PACRG: variants seen among roughly 807,000 people sequenced by gnomAD.
PACRG encodes the protein parkin coregulated.
Under a neutral mutation model 29.7 loss-of-function variants are expected in PACRG, and 29 were observed. That is an observed-to-expected ratio of 0.98 (90% CI 0.73 to 1.33). The LOEUF is 1.33. PACRG is among the 40% of genes most tolerant of loss of function. The probability of loss-of-function intolerance (pLI) is 0.00; values close to 1 mark genes in which losing one functional copy is unlikely to be tolerated. For missense variants in PACRG, 279 were observed against 316.2 expected, an observed-to-expected ratio of 0.88 and a Z score of 0.89; for synonymous variants, 116 against 118.7, an observed-to-expected ratio of 0.98 and a Z score of 0.15.
chr6:163,309,078 C>T lies in PACRG; in HGVS notation c.614-5749C>T, dbSNP rs1038719532. Among the ~76,000 whole-genome samples, 3 of 152,100 alleles carry T rather than the reference C, an allele frequency of 2.0e-5. No homozygotes were observed. In the East Asian group the frequency reaches 5.8e-4, roughly 29 times the overall value. On this transcript the variant is annotated intron_variant, in intron 4 of 4. Transcript: ENST00000366888. Reference sequence around the variant, plus strand: ...TGTTGCTTCAGCGAGATTACCTGGCCCCAGTGGGGAACACATGGCAAGGCG... The same window carrying T: ...TGTTGCTTCAGCGAGATTACCTGGCTCCAGTGGGGAACACATGGCAAGGCG...
At chr6:163,300,819 A>G (rs1217207378) in intron 4 of PACRG, among the ~76,000 whole-genome samples, 2 of 151,880 alleles carry the variant, frequency 1.3e-5, no homozygotes, top group Admixed American at 1.3e-4. Flanking sequence ...TGAGTTTAGT[A>G]GGGCCACGTC....
intron 1 of PACRG, among the ~76,000 whole-genome samples, chr6:162,797,791 T>A (rs1490520886): frequency 6.6e-6 from 1 of 152,144 alleles, no homozygotes; most frequent in Non-Finnish European, 1.5e-5. Flanking sequence ...ATTTTTGCAA[T>A]GCTATTTTTC....
At chr6:162,886,328 C>T (rs1169686677) in intron 2 of PACRG, among the ~76,000 whole-genome samples, 1 of 152,180 alleles carries the variant, frequency 6.6e-6, no homozygotes, top group Non-Finnish European at 1.5e-5. Context: ...GGTCCTTCTC[C>T]TCCTTGGCCT....
At position 162,780,788 on chromosome 6, in the gene PACRG, G is replaced by A. The variant is rs141494078; in HGVS notation, c.157-33359G>A. ...GCACACTGGATGGGATCAAAGGCACGTTAGATATTGCAGAAGAAAAGATTT... is the reference window on the plus strand; with the variant it reads ...GCACACTGGATGGGATCAAAGGCACATTAGATATTGCAGAAGAAAAGATTT... On this transcript the variant is annotated intron_variant, in intron 1 of 4. Coordinates refer to ENST00000366888, the MANE Select transcript of PACRG (RefSeq NM_001080379.2). 3.5e-3 allele frequency among the ~76,000 whole-genome samples: 534 copies of A among 152,108 alleles called. 3 individuals are homozygous for A. Among genetic ancestry groups the A allele is most frequent in the African/African-American group, 0.012 (499 of 41,518 alleles).
chr6:162,800,065 C>T (rs1473886038), intron 1 of PACRG, among the ~76,000 whole-genome samples: 1 of 152,160 alleles, frequency 6.6e-6, no homozygotes, highest in Non-Finnish European at 1.5e-5. Context: ...GGCCTTTTAT[C>T]AGTTCTACAA....
intron 4 of PACRG, among the ~76,000 whole-genome samples, chr6:163,136,569 A>G (rs570407287): frequency 1.3e-4 from 20 of 152,278 alleles, no homozygotes; most frequent in East Asian, 1.2e-3. Context: ...AATTTTTTCC[A>G]TAAAGATTTG....
intron 3 of PACRG, among the ~76,000 whole-genome samples, chr6:163,068,588 T>G (rs1252446081): frequency 2.0e-5 from 3 of 152,142 alleles, no homozygotes; most frequent in Admixed American, 6.5e-5. Context: ...ATCTTCTCTC[T>G]GTTTTCTCTT....
intron 2 of PACRG, among the ~76,000 whole-genome samples, chr6:162,979,490 G>A (rs2128169974): frequency 6.6e-6 from 1 of 152,194 alleles, no homozygotes; most frequent in East Asian, 1.9e-4. Context: ...ACTTTGTTGA[G>A]TGTCTTCTTG....
At chr6:162,877,391 C>G (rs1307745145) in intron 2 of PACRG, among the ~76,000 whole-genome samples, 1 of 151,796 alleles carries the variant, frequency 6.6e-6, no homozygotes, top group Non-Finnish European at 1.5e-5. Flanking sequence ...ACAATGAGAA[C>G]AAATGGATAC....
chr6:163,135,106 A>G (rs1404743171), intron 4 of PACRG, among the ~76,000 whole-genome samples: 2 of 152,146 alleles, frequency 1.3e-5, no homozygotes, highest in Non-Finnish European at 2.9e-5. Context: ...AATACTGTAC[A>G]TATCATTCTT....
chr6:162,995,142 A>G (rs1184214739), intron 2 of PACRG, among the ~76,000 whole-genome samples: 3 of 150,534 alleles, frequency 2.0e-5, no homozygotes, highest in African/African-American at 7.4e-5. Flanking sequence ...TGCTCTCTTC[A>G]AAGCTGTCAG....
chr6:163,072,137 A>AAAAG (rs1812121863), intron 3 of PACRG, among the ~76,000 whole-genome samples: 1 of 151,830 alleles, frequency 6.6e-6, no homozygotes, highest in Admixed American at 6.6e-5. Flanking sequence ...CATTAAAACA[A>AAAAG]AAAGAAAGAA....
At chr6:162,727,647 C>T (rs2128243170), upstream of PACRG, 1 of 1,583,958 alleles carries the variant, frequency 6.3e-7, no homozygotes, top group Non-Finnish European at 8.6e-7. Flanking sequence ...CTGTACCTGG[C>T]AGGTACCCAC....
chr6:162,755,653 T>C (rs1323384104), intron 1 of PACRG, among the ~76,000 whole-genome samples: 1 of 152,230 alleles, frequency 6.6e-6, no homozygotes, highest in Non-Finnish European at 1.5e-5. Context: ...GTCAGGCTGG[T>C]CTTGAATTCC....
chr6:162,772,607 C>T (rs1282805903), intron 1 of PACRG, among the ~76,000 whole-genome samples: 1 of 152,136 alleles, frequency 6.6e-6, no homozygotes, highest in African/African-American at 2.4e-5. Flanking sequence ...CTCACCTTAC[C>T]CTGACCCATG....
At chr6:163,229,851 T>A (rs998227156) in intron 4 of PACRG, among the ~76,000 whole-genome samples, 1 of 152,210 alleles carries the variant, frequency 6.6e-6, no homozygotes, top group Non-Finnish European at 1.5e-5. Flanking sequence ...TGCCCAGAAC[T>A]GTCTCCAGGC....
chr6:163,082,630 A>C (rs1042659179), intron 3 of PACRG, among the ~76,000 whole-genome samples: 4 of 152,146 alleles, frequency 2.6e-5, no homozygotes, highest in Non-Finnish European at 5.9e-5. Context: ...CTCAGTACAC[A>C]AGTTTCTAGT....
At chr6:163,180,391 C>A (rs946707562) in intron 4 of PACRG, among the ~76,000 whole-genome samples, 1 of 152,174 alleles carries the variant, frequency 6.6e-6, no homozygotes, top group Non-Finnish European at 1.5e-5. Flanking sequence ...ATACTGTGCA[C>A]TGAATGAGTT....
intron 2 of PACRG, among the ~76,000 whole-genome samples, chr6:162,983,894 A>G (rs1802648695): frequency 6.6e-6 from 1 of 152,040 alleles, no homozygotes; most frequent in South Asian, 2.1e-4. Flanking sequence ...TGTTCCCTCA[A>G]ATACGTTTTC....
Sources: allele counts gnomAD v4.1 joint callset (sites outside exome capture counted in the v4.1 genomes callset), GRCh38; gene constraint gnomAD v4.1.1; transcripts MANE v1.5; gene names NCBI Gene and HGNC (gene_info 2026-07-23, HGNC 2026-07-21).